MRGPRX3: variants seen among roughly 807,000 people sequenced by gnomAD.
MRGPRX3 encodes MAS related GPR family member X3, also known as mas-related G protein-coupled receptor member X3.
A neutral mutation model predicts 16.5 loss-of-function variants in MRGPRX3; 14 were observed. That is an observed-to-expected ratio of 0.85 (90% confidence interval 0.56 to 1.33). The LOEUF is 1.33. MRGPRX3 is among the 40% of genes most tolerant of loss of function. The probability of loss-of-function intolerance (pLI) is 0.00; values close to 1 mark genes in which losing one functional copy is unlikely to be tolerated. For synonymous variants in MRGPRX3, 199 were observed against 180.1 expected, an observed-to-expected ratio of 1.10 and a Z score of -0.84; for missense variants, 449 against 413.0, an observed-to-expected ratio of 1.09 and a Z score of -0.76.
upstream of MRGPRX3, among the ~76,000 whole-genome samples, chr11:18,131,705 T>C (rs1384116772): frequency 6.6e-6 from 1 of 151,964 alleles, no homozygotes; most frequent in Non-Finnish European, 1.5e-5. Context: ...TATATTTATA[T>C]ACCATGGAAT....
chr11:18,131,653 G>A (rs948007811), upstream of MRGPRX3, among the ~76,000 whole-genome samples: 1 of 151,942 alleles, frequency 6.6e-6, no homozygotes, highest in Non-Finnish European at 1.5e-5. Context: ...AAAGTAGATC[G>A]ACCATTTGAT....
chr11:18,133,952 G>T (rs1257817689), intron 1 of MRGPRX3, among the ~76,000 whole-genome samples: 1 of 152,124 alleles, frequency 6.6e-6, no homozygotes. Flanking sequence ...ACTCTCTTGG[G>T]ATGTCAAACA....
upstream of MRGPRX3, among the ~76,000 whole-genome samples, chr11:18,128,669 C>T (rs573207382): frequency 8.5e-5 from 13 of 152,292 alleles, 1 homozygote; most frequent in Admixed American, 7.2e-4. Context: ...TTCCAGGTGC[C>T]GTCTGTCACT....
At chr11:18,128,765 G>C (rs934313568), upstream of MRGPRX3, among the ~76,000 whole-genome samples, 1 of 152,168 alleles carries the variant, frequency 6.6e-6, no homozygotes, top group African/African-American at 2.4e-5. Context: ...GCTCACACTT[G>C]GTGCGCTGCA....
chr11:18,129,165 C>A (rs1393893241), upstream of MRGPRX3, among the ~76,000 whole-genome samples: 1 of 152,096 alleles, frequency 6.6e-6, no homozygotes, highest in South Asian at 2.1e-4. Context: ...AAACCCAACC[C>A]AGCAGAAGAA....
At chr11:18,137,147 G>A (rs1849014143) in intron 1 of MRGPRX3, 31 bp from the exon 2 acceptor site, 1 of 1,533,400 alleles carries the variant, frequency 6.5e-7, no homozygotes, top group East Asian at 2.3e-5. Context: ...AGATCAAACA[G>A]CTGGTGATCA....
intron 1 of MRGPRX3, among the ~76,000 whole-genome samples, chr11:18,125,773 A>G (rs1848888647): frequency 6.6e-6 from 1 of 152,136 alleles, no homozygotes; most frequent in African/African-American, 2.4e-5. Flanking sequence ...GATCTATCTA[A>G]TATTGACAGT....
chr11:18,123,591 C>A (rs1375965553), intron 1 of MRGPRX3, among the ~76,000 whole-genome samples: 1 of 152,164 alleles, frequency 6.6e-6, no homozygotes, highest in East Asian at 1.9e-4. Context: ...GTTACTGTAG[C>A]CTTGTAGTAT....
chr11:18,122,839 C>G (rs1052127498), intron 1 of MRGPRX3, among the ~76,000 whole-genome samples: 1 of 152,226 alleles, frequency 6.6e-6, no homozygotes, highest in African/African-American at 2.4e-5. Flanking sequence ...CACATCCTCT[C>G]CAGCATCTGT....
chr11:18,134,891 G>T, intron 1 of MRGPRX3, among the ~76,000 whole-genome samples: 1 of 152,172 alleles, frequency 6.6e-6, no homozygotes, highest in East Asian at 1.9e-4. Flanking sequence ...ACTGGGATGT[G>T]GGTCCTTGTG....
intron 1 of MRGPRX3, among the ~76,000 whole-genome samples, chr11:18,124,807 T>C (rs10766455): frequency 0.96 from 145,895 of 152,250 alleles, 70,216 homozygotes; most frequent in East Asian, 1. Context: ...GGCTGTGAAT[T>C]CATCTGGTCC....
upstream of MRGPRX3, among the ~76,000 whole-genome samples, chr11:18,129,415 A>G (rs1361401697): frequency 1.3e-5 from 2 of 152,226 alleles, no homozygotes; most frequent in East Asian, 3.8e-4. Flanking sequence ...TCACCTTTAC[A>G]TGCACAAACC....
At chr11:18,129,916 T>G (rs1342497044), upstream of MRGPRX3, among the ~76,000 whole-genome samples, 1 of 151,978 alleles carries the variant, frequency 6.6e-6, no homozygotes, top group Non-Finnish European at 1.5e-5. Flanking sequence ...TAAACAGAAT[T>G]AAAAACAAAA....
intron 1 of MRGPRX3, among the ~76,000 whole-genome samples, chr11:18,126,639 C>G (rs1272426582): frequency 6.6e-6 from 1 of 152,108 alleles, no homozygotes; most frequent in Non-Finnish European, 1.5e-5. Context: ...CTATCCCTCC[C>G]CCTTCCCCCA....
intron 1 of MRGPRX3, among the ~76,000 whole-genome samples, chr11:18,134,527 C>T (rs4287320): frequency 0.49 from 75,118 of 152,028 alleles, 22,132 homozygotes; most frequent in East Asian, 0.82. Context: ...ACAAATACCA[C>T]ATATAAGGAA....
chr11:18,123,809 C>T (rs1296497285), intron 1 of MRGPRX3, among the ~76,000 whole-genome samples: 1 of 152,220 alleles, frequency 6.6e-6, no homozygotes, highest in Non-Finnish European at 1.5e-5. Flanking sequence ...ATTGCTTCTT[C>T]CTACCCATGA....
In MRGPRX3 at chr11:18,137,459, G is replaced by A. The variant is rs1333694714; in HGVS notation, c.257G>A (p.Arg86His). Residue 86 changes from arginine (R) to histidine (H), a missense_variant, in exon 2 of 2, where the codon CGC becomes CAC. Coordinates refer to ENST00000621697, the MANE Select transcript of MRGPRX3 (RefSeq NM_001370464.1). Reference protein sequence around the residue: ...LSGHIICSPLRLINIRHPISK... With the variant: ...LSGHIICSPLHLINIRHPISK... The stretch of plus-strand genomic sequence containing the variant: ...GGCCACATTATATGTTCGCCGTTAC[G>A]CCTCATCAATATCCGCCATCCCATC... 13 of 1,614,006 alleles carry A rather than the reference G, an allele frequency of 8.1e-6. No individual in the cohort carries two copies. Among genetic ancestry groups the A allele is most frequent in the East Asian group, 6.7e-5 (3 of 44,894 alleles).
At chr11:18,122,050 T>C (rs1848844956) in intron 1 of MRGPRX3, among the ~76,000 whole-genome samples, 1 of 150,904 alleles carries the variant, frequency 6.6e-6, no homozygotes, top group South Asian at 2.1e-4. Flanking sequence ...GAAAAATCTT[T>C]CAAGATTTTT....
intron 1 of MRGPRX3, among the ~76,000 whole-genome samples, chr11:18,127,202 C>T (rs554459628): frequency 4.9e-4 from 75 of 152,214 alleles, no homozygotes; most frequent in Non-Finnish European, 5.7e-4. Context: ...CTGCCCTTAA[C>T]ATTTTTTCCT....
Sources: allele counts gnomAD v4.1 joint callset (sites outside exome capture counted in the v4.1 genomes callset), GRCh38; gene constraint gnomAD v4.1.1; transcripts MANE v1.5; gene names NCBI Gene and HGNC (gene_info 2026-07-23, HGNC 2026-07-21).